Variants in KYAT3 observed in about 807,000 individuals in gnomAD.
KYAT3 encodes the protein kynurenine aminotransferase 3, also known as kynurenine--oxoglutarate transaminase 3.
Under a neutral mutation model 59.0 loss-of-function variants are expected in KYAT3, and 50 were observed. The observed-to-expected ratio is 0.85, with a 90% CI of 0.68 to 1.07. KYAT3 has a LOEUF of 1.07. Ranked by LOEUF, KYAT3 falls within the 50% of genes least tolerant of loss-of-function variation. KYAT3 has a pLI of 0.00. For missense variants in KYAT3, 497 were observed against 533.3 expected (o/e 0.93, Z 0.67); for synonymous variants, 148 against 177.0 (o/e 0.84, Z 1.30).
intron 13 of KYAT3, among the ~76,000 whole-genome samples, chr1:88,937,941 A>G (rs1675099960): frequency 6.6e-6 from 1 of 152,230 alleles, no homozygotes. Flanking sequence ...ACTAAATGCA[A>G]TGCATGATTC....
chr1:88,953,137 C>T lies in KYAT3; in HGVS notation c.880G>A (p.Gly294Ser), dbSNP rs1256162519. 5 of 1,612,152 alleles carry T rather than the reference C, an allele frequency of 3.1e-6. No individual in the cohort carries two copies. The South Asian group carries it at 3.3e-5, about 11-fold the overall frequency. Residue 294 changes from glycine to serine, a missense_variant, in exon 10 of 14, where the codon GGT (glycine) becomes AGT (serine). Gly to Ser is a moderately conservative substitution (Grantham distance 56). Transcript: ENST00000260508. ...VTGWKLGWSI[G>S]PNHLIKHLQT... ...AAATGTTTTATCAAATGATTTGGAC[C>T]AATGGACCAGCCAAGCTGGGAAAGG...
chr1:88,983,583 C>T (rs754322976), intron 2 of KYAT3: 1 of 1,614,186 alleles, frequency 6.2e-7, no homozygotes, highest in Non-Finnish European at 8.5e-7. Context: ...GTGGCTTGTT[C>T]CACCTTGATG....
At position 88,961,428 on chromosome 1, in the gene KYAT3, T is replaced by C. The variant is rs765157353; in HGVS notation, c.619A>G (p.Lys207Glu). ...PQELESKFNSKTKAIILNTPH... is the reference protein window; with the variant it reads ...PQELESKFNSETKAIILNTPH... ...GTATTTAGTATAATAGCTTTGGTTT[T>C]GGAATTAAATTTACTTTCCAGTTCT... The change falls in exon 7 of 14, where the codon AAA becomes GAA. Residue 207 changes from lysine (K) to glutamate (E), a missense_variant. Physicochemically the swap from Lys to Glu is moderately conservative, Grantham distance 56. This residue lies in a region of KYAT3 where 469 missense variants were observed against 479.1 expected (regional missense o/e 0.98). Coordinates refer to ENST00000260508, the MANE Select transcript of KYAT3 (RefSeq NM_001008661.3). 22 of 1,613,866 alleles carry C rather than the reference T, an allele frequency of 1.4e-5. No homozygotes were observed. Among genetic ancestry groups the C allele is most frequent in the Non-Finnish European group, 1.7e-5 (20 of 1,179,920 alleles).
intron 11 of KYAT3, among the ~76,000 whole-genome samples, chr1:88,947,691 G>C (rs1393255805): frequency 6.6e-6 from 1 of 152,204 alleles, no homozygotes; most frequent in East Asian, 1.9e-4. Context: ...CAGAGAGACA[G>C]ACCTGAAGAC....
intron 2 of KYAT3, chr1:88,979,850 C>T (rs1182089142): frequency 6.6e-6 from 1 of 152,208 alleles, no homozygotes; most frequent in African/African-American, 2.4e-5. Context: ...CCTATGTCTA[C>T]ACAGTGGCTT....
rs745935509 is a variant in KYAT3 at position 88,988,339 on chromosome 1, G to A, written c.12C>T (p.Ala4=). The A allele has an allele frequency of 6.2e-7, 1 of 1,610,652 alleles. No homozygotes were observed. The highest frequency in any genetic ancestry group is 8.5e-7 in the Non-Finnish European group (1 of 1,177,868). Reference sequence around the variant, plus strand: ...CGCTAAGAGAGCAGAGGCTCCTCTGGGCCAAAAACATGCTATTAAATAAAA... The same window carrying A: ...CGCTAAGAGAGCAGAGGCTCCTCTGAGCCAAAAACATGCTATTAAATAAAA... MFL[A]QRSLCSLSGR... Residue 4 remains alanine (A), a synonymous_variant, in exon 2 of 14, where the codon GCC becomes GCT. Coordinates refer to ENST00000260508, the MANE Select transcript of KYAT3 (RefSeq NM_001008661.3).
At position 88,955,198 on chromosome 1, in the gene KYAT3, G is replaced by T; in HGVS notation, c.815C>A (p.Thr272Lys). 6.2e-7 allele frequency: 1 copy of T among 1,611,996 alleles called. No homozygotes were observed. Residue 272 changes from threonine to lysine, a missense_variant, in exon 9 of 14, where the codon ACA (threonine) becomes AAA (lysine). By Grantham distance (78) the Thr-to-Lys change is moderately conservative (BLOSUM62 -1). Coordinates refer to ENST00000260508, the MANE Select transcript of KYAT3 (RefSeq NM_001008661.3). The part of the protein sequence containing the change: ...IATFPGMWER[T>K]ITIGSAGKTF... ...CTTTCCAGCACTTCCTATTGTTATT[G>T]TTCTCTCCCACATACCTGGAAAAGT... is the stretch of plus-strand genomic sequence containing the variant.
In KYAT3 at chr1:88,961,416, T is replaced by C. The variant is rs1485140217; in HGVS notation, c.631A>G (p.Ile211Val). 4 of 1,613,846 alleles carry C rather than the reference T, an allele frequency of 2.5e-6. No homozygotes were observed. Among genetic ancestry groups the C allele is most frequent in the African/African-American group, 2.7e-5 (2 of 74,934 alleles). The stretch of plus-strand genomic sequence containing the variant: ...GGGTTATGTGGAGTATTTAGTATAA[T>C]AGCTTTGGTTTTGGAATTAAATTTA... ...ESKFNSKTKA[I>V]ILNTPHNPLG... Residue 211 changes from isoleucine to valine, a missense_variant, in exon 7 of 14, where the codon ATT (isoleucine) becomes GTT (valine). By Grantham distance (29) the Ile-to-Val change is conservative. Transcript: ENST00000260508.
At position 88,935,937 on chromosome 1, in the gene KYAT3, T is replaced by C; in HGVS notation, c.*246A>G. 1 of 429,022 alleles carries C rather than the reference T, an allele frequency of 2.3e-6. No homozygotes were observed. The highest frequency in any genetic ancestry group is 3.2e-5 in the East Asian group (1 of 31,372). 26.6% of individuals were successfully genotyped at this position (429,022 alleles called of 1,614,324 possible). A position where few individuals can be genotyped will look rare whatever the true frequency, so the allele number is the denominator to read the frequency against. The stretch of plus-strand genomic sequence containing the variant: ...GAGGTTAAACATCTCACATTTCTTA[T>C]CCACTATGTTATGCTGACTCTTATA... On this transcript the variant is annotated 3_prime_UTR_variant, in exon 14 of 14. Transcript: ENST00000260508.
At chr1:88,979,896 G>GC (rs1676993541) in intron 2 of KYAT3, 1 of 152,110 alleles carries the variant, frequency 6.6e-6, no homozygotes, top group South Asian at 2.1e-4. Context: ...ATTCACAGTA[G>GC]CCCCAAACTG....
chr1:88,987,499 T>C (rs1677533911), intron 2 of KYAT3, among the ~76,000 whole-genome samples: 1 of 152,208 alleles, frequency 6.6e-6, no homozygotes, highest in Non-Finnish European at 1.5e-5. Context: ...AAATTGTCAA[T>C]ATTCAACCAG....
In KYAT3 at chr1:88,950,514, T is replaced by G. The variant is rs191531035; in HGVS notation, c.955-1237A>C. ...AGCTATATCTTTTTTTTTTTTTCTC[T>G]TGGCAACTTGTTCATTTACTATAGG... is the stretch of plus-strand genomic sequence containing the variant. On this transcript the variant is annotated intron_variant, in intron 10 of 13. Transcript: ENST00000260508. Among the ~76,000 whole-genome samples, 185 of 152,080 alleles carry G rather than the reference T, an allele frequency of 1.2e-3. 1 individual carries two copies. In the Middle Eastern group the frequency reaches 0.024, roughly 20 times the overall value.
At chr1:88,942,664 G>A (rs928364528) in intron 13 of KYAT3, among the ~76,000 whole-genome samples, 4 of 152,008 alleles carry the variant, frequency 2.6e-5, no homozygotes, top group Non-Finnish European at 4.4e-5. Flanking sequence ...GCGGGTTCAC[G>A]CCATTCTCCT....
At chr1:88,923,406 C>A in the KYAT3 span, 4 of 153,304 alleles carry the variant, frequency 2.6e-5, no homozygotes, top group South Asian at 2.0e-4. Context: ...GAAGCCACCC[C>A]CCGACAGCCT....
Position 88,961,236 on chromosome 1 carries a change from C to T in KYAT3, c.718G>A (p.Asp240Asn), listed in dbSNP as rs190803777. 110 of 1,613,490 alleles carry T rather than the reference C, an allele frequency of 6.8e-5. 1 individual carries two copies. In the East Asian group the frequency reaches 2.3e-3, roughly 34 times the overall value. ...QVIADLCIKY[D>N]TLCISDEVYE... ...ACCTCATCGCTGATGCAGAGTGTGTCATATTTGATGCAAAGGTCAGCAATT... is the reference window on the plus strand; with the variant it reads ...ACCTCATCGCTGATGCAGAGTGTGTTATATTTGATGCAAAGGTCAGCAATT... Residue 240 changes from aspartate to asparagine, a missense_variant, in exon 8 of 14, where the codon GAC (aspartate) becomes AAC (asparagine). Around this residue, in one of 2 missense-constraint regions of KYAT3, gnomAD observed 469 missense variants for 479.1 expected, o/e 0.98. Transcript: ENST00000260508.
At chr1:88,991,540 T>C (rs1022797558) in intron 1 of KYAT3, among the ~76,000 whole-genome samples, 3 of 152,228 alleles carry the variant, frequency 2.0e-5, no homozygotes, top group African/African-American at 7.2e-5. Context: ...AGAGGGTATC[T>C]AGACGGTGAA....
intron 3 of KYAT3, among the ~76,000 whole-genome samples, 170 bp downstream of exon 3, chr1:88,969,239 G>A (rs2101055877): frequency 6.6e-6 from 1 of 152,232 alleles, no homozygotes; most frequent in Admixed American, 6.5e-5. Flanking sequence ...TGTGCCAAAT[G>A]AACAATTCAG....
At chr1:88,948,036 G>A (rs547175553) in intron 11 of KYAT3, among the ~76,000 whole-genome samples, 5 of 152,298 alleles carry the variant, frequency 3.3e-5, no homozygotes, top group Admixed American at 2.0e-4. Flanking sequence ...AGGTTGCAGT[G>A]AGCTGAGATC....
chr1:88,932,893 C>T (rs536964480), downstream of KYAT3, among the ~76,000 whole-genome samples: 1 of 152,284 alleles, frequency 6.6e-6, no homozygotes, highest in East Asian at 1.9e-4. Flanking sequence ...TATGTTACTT[C>T]TCTGATGTAA....
Sources: gnomAD v4.1 joint callset for allele counts (sites outside exome capture counted in the v4.1 genomes callset) on GRCh38, gnomAD v4.1.1 for gene constraint, gnomAD v4.1.1 regional missense constraint, MANE v1.5 for transcripts, NCBI Gene and HGNC (gene_info 2026-07-23, HGNC 2026-07-21) for gene names.